CCSER1: variants seen among roughly 807,000 people sequenced by gnomAD.
The protein encoded by CCSER1 is serine-rich coiled-coil domain-containing protein 1.
CCSER1 carries 41 observed loss-of-function variants against 82.0 expected under a neutral mutation model. The ratio of observed to expected loss-of-function variants is 0.50; its 90% CI spans 0.39 to 0.65. The LOEUF is 0.65. Among genes scored for constraint, CCSER1 ranks in the 30% least tolerant of loss-of-function variants. The pLI is 0.00. For synonymous variants in CCSER1, 414 were observed against 383.9 expected (o/e 1.08, Z -0.92); for missense variants, 1,119 against 1,064.2 (o/e 1.05, Z -0.72).
intron 5 of CCSER1, among the ~76,000 whole-genome samples, chr4:90,597,646 G>A (rs574872657): frequency 2.0e-5 from 3 of 152,012 alleles, no homozygotes; most frequent in African/African-American, 7.2e-5. Flanking sequence ...CTGTCATCTG[G>A]TATACTTATG....
chr4:91,153,745 G>A (rs994947910), intron 10 of CCSER1, among the ~76,000 whole-genome samples: 9 of 152,000 alleles, frequency 5.9e-5, no homozygotes, highest in Admixed American at 1.3e-4. Flanking sequence ...ACCGTCAGCT[G>A]CAGGTCTGTT....
At chr4:91,470,052 C>T (rs769959484) in intron 10 of CCSER1, among the ~76,000 whole-genome samples, 2 of 152,044 alleles carry the variant, frequency 1.3e-5, no homozygotes, top group Admixed American at 6.6e-5. Flanking sequence ...ATTGAAAGTC[C>T]GACTGTTAAA....
At chr4:90,551,813 C>G (rs969534640) in intron 5 of CCSER1, among the ~76,000 whole-genome samples, 3 of 151,102 alleles carry the variant, frequency 2.0e-5, no homozygotes, top group Non-Finnish European at 4.4e-5. Context: ...TTCCCTTTGT[C>G]TTAGTCTGTT....
intron 1 of CCSER1, among the ~76,000 whole-genome samples, chr4:90,305,208 G>A (rs544878509): frequency 2.4e-3 from 361 of 152,208 alleles, no homozygotes; most frequent in Non-Finnish European, 3.8e-3. Flanking sequence ...GAGCCACCGC[G>A]CCCGGCCTCA....
intron 1 of CCSER1, among the ~76,000 whole-genome samples, chr4:90,153,477 G>A (rs1168635874): frequency 1.3e-5 from 2 of 152,008 alleles, no homozygotes; most frequent in Non-Finnish European, 2.9e-5. Context: ...TTCCACAATG[G>A]TTGAACTAGC....
intron 1 of CCSER1, among the ~76,000 whole-genome samples, chr4:90,267,049 A>G (rs974608784): frequency 6.6e-5 from 10 of 151,968 alleles, no homozygotes; most frequent in Admixed American, 2.6e-4. Context: ...GGGGTCCCCA[A>G]TTTTAGGCTT....
chr4:90,365,619 G>A (rs1388908232), intron 3 of CCSER1, among the ~76,000 whole-genome samples: 3 of 151,712 alleles, frequency 2.0e-5, no homozygotes, highest in Non-Finnish European at 3.0e-5. Context: ...GATATGCAAA[G>A]GGTTATTGGA....
At chr4:90,177,940 G>GC (rs1733011479) in intron 1 of CCSER1, among the ~76,000 whole-genome samples, 1 of 151,970 alleles carries the variant, frequency 6.6e-6, no homozygotes, top group South Asian at 2.1e-4. Context: ...AATTTTGAGT[G>GC]CCCACATGAT....
chr4:90,673,097 T>C (rs1486536731), intron 6 of CCSER1, among the ~76,000 whole-genome samples: 1 of 151,856 alleles, frequency 6.6e-6, no homozygotes, highest in Admixed American at 6.6e-5. Context: ...ATTGGAAAAA[T>C]GGCCCCAATA....
chr4:91,123,087 T>C (rs1028002919), intron 10 of CCSER1, among the ~76,000 whole-genome samples: 4 of 151,712 alleles, frequency 2.6e-5, no homozygotes, highest in Admixed American at 1.3e-4. Flanking sequence ...CAATCATGCT[T>C]GTTCAATGAT....
At chr4:91,326,141 A>G (rs1042074310) in intron 10 of CCSER1, among the ~76,000 whole-genome samples, 5 of 152,224 alleles carry the variant, frequency 3.3e-5, no homozygotes, top group Non-Finnish European at 5.9e-5. Context: ...TAGCACATGT[A>G]GATCAAAATA....
At chr4:91,437,920 G>C (rs1040550143) in intron 10 of CCSER1, among the ~76,000 whole-genome samples, 8 of 152,208 alleles carry the variant, frequency 5.3e-5, no homozygotes, top group African/African-American at 1.7e-4. Flanking sequence ...CAGCAGCGAG[G>C]CAGGGGGAGG....
chr4:90,461,931 A>G (rs192625004), intron 4 of CCSER1, among the ~76,000 whole-genome samples: 23 of 152,342 alleles, frequency 1.5e-4, no homozygotes, highest in African/African-American at 5.3e-4. Flanking sequence ...CACCTACTAC[A>G]GTGTCTGGAT....
chr4:90,849,960 T>C (rs1763665066), intron 8 of CCSER1, among the ~76,000 whole-genome samples: 1 of 151,934 alleles, frequency 6.6e-6, no homozygotes, highest in Non-Finnish European at 1.5e-5. Flanking sequence ...CCTGGAGGCC[T>C]AGGAAGGAAA....
chr4:91,323,115 G>A (rs1461065728), intron 10 of CCSER1, among the ~76,000 whole-genome samples: 1 of 152,150 alleles, frequency 6.6e-6, no homozygotes, highest in Admixed American at 6.6e-5. Context: ...GCAGAAACAT[G>A]CGGGCTGGAC....
At chr4:91,149,193 G>A (rs7663178) in intron 10 of CCSER1, among the ~76,000 whole-genome samples, 110,385 of 152,036 alleles carry the variant, frequency 0.73, 40,375 homozygotes, top group Non-Finnish European at 0.78. Flanking sequence ...GTGAGATGGT[G>A]TCTCATTATG....
At chr4:91,004,915 A>G (rs1056901567) in intron 9 of CCSER1, among the ~76,000 whole-genome samples, 1 of 152,206 alleles carries the variant, frequency 6.6e-6, no homozygotes, top group Non-Finnish European at 1.5e-5. Flanking sequence ...ATCTTATTTC[A>G]GGTCTTGCCT....
chr4:90,469,059 C>T (rs1035651483), intron 5 of CCSER1, among the ~76,000 whole-genome samples: 2 of 151,946 alleles, frequency 1.3e-5, no homozygotes, highest in Non-Finnish European at 2.9e-5. Context: ...TATCATGCCT[C>T]CTTTAAGGTT....
intron 3 of CCSER1, among the ~76,000 whole-genome samples, chr4:90,372,983 A>T (rs1044167114): frequency 7.1e-6 from 1 of 141,246 alleles, no homozygotes; most frequent in African/African-American, 2.5e-5. Context: ...ATGGTATAAG[A>T]TATTAAGGAC....
Sources: gnomAD v4.1 joint callset for allele counts (sites outside exome capture counted in the v4.1 genomes callset) on GRCh38, gnomAD v4.1.1 for gene constraint, MANE v1.5 for transcripts, NCBI Gene and HGNC (gene_info 2026-07-23, HGNC 2026-07-21) for gene names.